ALK: variants seen among roughly 807,000 people sequenced by gnomAD.
ALK encodes the protein ALK tyrosine kinase receptor.
Under a neutral mutation model 163.1 loss-of-function variants are expected in ALK, and 74 were observed. That is an observed-to-expected ratio of 0.45 (90% CI 0.38 to 0.55). The LOEUF is 0.55. Ranked by LOEUF, ALK falls within the 20% of genes least tolerant of loss-of-function variation. ALK has a pLI of 0.00. For missense variants in ALK, 2,063 were observed against 2,105.3 expected, an observed-to-expected ratio of 0.98 and a Z score of 0.39; for synonymous variants, 960 against 843.2, an observed-to-expected ratio of 1.14 and a Z score of -2.40.
chr2:29,311,536 T>C (rs1558664693), intron 8 of ALK, among the ~76,000 whole-genome samples: 1 of 152,168 alleles, frequency 6.6e-6, no homozygotes, highest in Non-Finnish European at 1.5e-5. Flanking sequence ...AATTGACATT[T>C]AAGTTAAAAA....
chr2:29,376,865 C>A (rs1194264863), intron 5 of ALK, among the ~76,000 whole-genome samples: 1 of 152,184 alleles, frequency 6.6e-6, no homozygotes, highest in Non-Finnish European at 1.5e-5. Context: ...TTCCTCTTGT[C>A]CCCTTTCAGG....
chr2:29,213,376 G>GA (rs1354756364), intron 24 of ALK, among the ~76,000 whole-genome samples: 2 of 152,162 alleles, frequency 1.3e-5, no homozygotes, highest in Non-Finnish European at 2.9e-5. Context: ...GAGTATTTTA[G>GA]AAAAAATTAA....
At chr2:29,221,012 G>A in intron 22 of ALK, 177 bp from the exon 23 acceptor site, 1 of 856,108 alleles carries the variant, frequency 1.2e-6, no homozygotes, top group East Asian at 2.8e-5. Flanking sequence ...TTGCTGGTGA[G>A]CAGGTGGGAA....
At chr2:29,452,715 TAACTTC>T (rs1309920436) in intron 4 of ALK, among the ~76,000 whole-genome samples, 1 of 152,184 alleles carries the variant, frequency 6.6e-6, no homozygotes, top group African/African-American at 2.4e-5. Context: ...CTCCACACGT[TAACTTC>T]AAGTGTAACC....
chr2:29,481,768 C>G (rs1244748647), intron 4 of ALK, among the ~76,000 whole-genome samples: 1 of 152,130 alleles, frequency 6.6e-6, no homozygotes, highest in Non-Finnish European at 1.5e-5. Flanking sequence ...GTTCACAGCT[C>G]TCCTGCTCAG....
intron 1 of ALK, among the ~76,000 whole-genome samples, chr2:29,804,580 C>T (rs1343621737): frequency 1.3e-5 from 2 of 152,232 alleles, no homozygotes; most frequent in South Asian, 2.1e-4. Flanking sequence ...ACCTGGCGGC[C>T]GTGGAGGCCT....
intron 1 of ALK, among the ~76,000 whole-genome samples, chr2:29,861,227 G>T (rs1666283493): frequency 6.6e-6 from 1 of 152,096 alleles, no homozygotes; most frequent in African/African-American, 2.4e-5. Flanking sequence ...ACTAACATCA[G>T]ATCTCAAGGA....
At chr2:29,653,408 A>G (rs913043680) in intron 3 of ALK, among the ~76,000 whole-genome samples, 3 of 152,098 alleles carry the variant, frequency 2.0e-5, no homozygotes, top group African/African-American at 7.2e-5. Context: ...TTTTAATTTG[A>G]CCAGACCAAG....
At chr2:29,814,517 G>T (rs541188249) in intron 1 of ALK, among the ~76,000 whole-genome samples, 1 of 151,892 alleles carries the variant, frequency 6.6e-6, no homozygotes, top group Non-Finnish European at 1.5e-5. Flanking sequence ...AAAATTAGCT[G>T]GGCGAGGTGG....
intron 4 of ALK, among the ~76,000 whole-genome samples, chr2:29,386,404 T>C (rs1369016000): frequency 6.6e-6 from 1 of 152,120 alleles, no homozygotes; most frequent in Admixed American, 6.5e-5. Context: ...CTGTCAAAGA[T>C]AGCAATATTT....
At chr2:29,554,121 T>C (rs1470747734) in intron 3 of ALK, among the ~76,000 whole-genome samples, 1 of 152,242 alleles carries the variant, frequency 6.6e-6, no homozygotes. Context: ...GTAATAGCTT[T>C]CCATAGTATT....
intron 4 of ALK, among the ~76,000 whole-genome samples, chr2:29,385,119 A>ATT (rs11295853): frequency 0.23 from 33,892 of 146,968 alleles, 4,047 homozygotes; most frequent in Middle Eastern, 0.3. Flanking sequence ...AATATTTCAC[A>ATT]TTTTTTTTTT....
intron 4 of ALK, among the ~76,000 whole-genome samples, chr2:29,506,027 G>C (rs1672309772): frequency 6.6e-6 from 1 of 152,114 alleles, no homozygotes; most frequent in South Asian, 2.1e-4. Flanking sequence ...TTTTCTGAGA[G>C]GCATCTCACC....
chr2:29,873,505 G>A (rs534020040), intron 1 of ALK, among the ~76,000 whole-genome samples: 1 of 152,270 alleles, frequency 6.6e-6, no homozygotes, highest in South Asian at 2.1e-4. Context: ...TGAGGACTGT[G>A]CTCAAGGGTT....
At chr2:29,410,159 G>A (rs745788663) in intron 4 of ALK, among the ~76,000 whole-genome samples, 1 of 152,114 alleles carries the variant, frequency 6.6e-6, no homozygotes, top group Non-Finnish European at 1.5e-5. Flanking sequence ...CCTAGACGGT[G>A]TGAAAGGAGG....
intron 1 of ALK, among the ~76,000 whole-genome samples, chr2:29,900,572 G>C (rs1354981947): frequency 6.6e-6 from 1 of 152,194 alleles, no homozygotes; most frequent in African/African-American, 2.4e-5. Flanking sequence ...CACCCACTGT[G>C]GTGCCTTGCA....
At chr2:29,837,608 G>A (rs1005560670) in intron 1 of ALK, among the ~76,000 whole-genome samples, 1 of 152,154 alleles carries the variant, frequency 6.6e-6, no homozygotes, top group African/African-American at 2.4e-5. Flanking sequence ...CCATGCTTAG[G>A]AGTAGACCTA....
intron 2 of ALK, among the ~76,000 whole-genome samples, chr2:29,716,853 A>C (rs1167766647): frequency 1.3e-5 from 2 of 151,872 alleles, no homozygotes; most frequent in Non-Finnish European, 2.9e-5. Flanking sequence ...CTCTTAAGAG[A>C]CTGATTGTTG....
rs2148248368 is a variant in ALK at position 29,318,424 on chromosome 2, T to G, written c.1547-20A>C. On this transcript the variant is annotated intron_variant, in intron 7 of 28. Coordinates refer to ENST00000389048, the MANE Select transcript of ALK (RefSeq NM_004304.5). ...CATGGTCTAGGAGAGAGGAAAAGAA[T>G]CACAAGCACGCCATTATCAGGAACT... 1 of 1,560,002 alleles carries G rather than the reference T, an allele frequency of 6.4e-7. No individual in the cohort carries two copies. The highest frequency in any genetic ancestry group is 8.8e-7 in the Non-Finnish European group (1 of 1,130,772).
Sources: allele counts gnomAD v4.1 joint callset (sites outside exome capture counted in the v4.1 genomes callset), GRCh38; gene constraint gnomAD v4.1.1; transcripts MANE v1.5; gene names NCBI Gene and HGNC (gene_info 2026-07-23, HGNC 2026-07-21).